The following OPTN variants were observed in gnomAD, a reference collection of about 807,000 sequenced individuals.
OPTN encodes E3-14.7K-interacting protein.
OPTN carries 54 observed loss-of-function variants against 70.4 expected under a neutral mutation model. The observed-to-expected ratio is 0.77, with a 90% CI of 0.62 to 0.96. The LOEUF is 0.96. OPTN is among the 40% of genes least tolerant of loss of function. The pLI is 0.00. For missense variants in OPTN, 624 were observed against 673.2 expected (o/e 0.93, Z 0.81); for synonymous variants, 256 against 248.5 (o/e 1.03, Z -0.28).
intron 6 of OPTN, chr10:13,116,629 A>G: frequency 2.1e-6 from 1 of 474,832 alleles, no homozygotes; most frequent in South Asian, 2.1e-5. Context: ...AATCAAGTCA[A>G]TGATTTGTTC....
At chr10:13,126,096 G>A (rs1833454249) in intron 11 of OPTN, 57 bp downstream of exon 11, 3 of 1,016,130 alleles carry the variant, frequency 3.0e-6, no homozygotes, top group East Asian at 2.4e-5. Flanking sequence ...ACTGTTGAAC[G>A]TTTTGTATAT....
chr10:13,106,331 A>C lies in OPTN; in HGVS notation c.-163-1807A>C, dbSNP rs574631788. Among the ~76,000 whole-genome samples, 5 of 152,360 alleles carry C rather than the reference A, an allele frequency of 3.3e-5. No homozygotes were observed. In the South Asian group the frequency reaches 6.2e-4, roughly 19 times the overall value. Reference sequence around the variant, plus strand: ...AAAATGAATTTTACAGAAAATTAGAAACTGATGGTCTATTCAGATTATTTT... The same window carrying C: ...AAAATGAATTTTACAGAAAATTAGACACTGATGGTCTATTCAGATTATTTT... On this transcript the variant is annotated intron_variant, in intron 1 of 14. Coordinates refer to ENST00000378747, the MANE Select transcript of OPTN (RefSeq NM_001008212.2).
In OPTN at chr10:13,133,575, C is replaced by G; in HGVS notation, c.1606C>G (p.Gln536Glu). Residue 536 changes from glutamine to glutamate, a missense_variant, in exon 14 of 15, where the codon CAA becomes GAA. Physicochemically the swap from Gln to Glu is conservative, Grantham distance 29 (BLOSUM62 2). Transcript: ENST00000378747. Reference sequence around the variant, plus strand: ...CTCTGACCAGCAGGCTTACCTTGTTCAAAGAGGTGAGTCCCGTGTGATCCT... The same window carrying G: ...CTCTGACCAGCAGGCTTACCTTGTTGAAAGAGGTGAGTCCCGTGTGATCCT... ...SDSDQQAYLV[Q>E]RGAEDRDWRQ... The G allele has an allele frequency of 1.9e-6, 3 of 1,613,824 alleles. No homozygotes were observed. The highest frequency in any genetic ancestry group is 2.5e-6 in the Non-Finnish European group (3 of 1,179,772).
Position 13,132,734 on chromosome 10 carries a change from A to G in OPTN, c.1532+537A>G, listed in dbSNP as rs1833620075. On this transcript the variant is annotated intron_variant, in intron 13 of 14. Transcript: ENST00000378747. ...CTATCTTGCCATCGTCACGGATGAA[A>G]TATTCGTAGCACTTTAAATTCCTGA... is the stretch of plus-strand genomic sequence containing the variant. Among the ~76,000 whole-genome samples the G allele has an allele frequency of 2.6e-5, 4 of 152,260 alleles. No individual in the cohort carries two copies. In the South Asian group the frequency reaches 8.3e-4, roughly 32 times the overall value.
intron 5 of OPTN, 134 bp from the exon 6 acceptor site, chr10:13,116,133 T>C: frequency 1.4e-6 from 1 of 713,906 alleles, no homozygotes; most frequent in East Asian, 2.6e-5. Flanking sequence ...GTTTAAACAG[T>C]GCACATCTGA....
At chr10:13,127,628 T>TGAGCCACCACACCCGGCCA in intron 11 of OPTN, 117 bp from the exon 12 acceptor site, 2 of 1,133,274 alleles carry the variant, frequency 1.8e-6, no homozygotes, top group South Asian at 2.7e-5. Context: ...ATTCTAGGCA[T>TGAGCCACCACACCCGGCCA]GAGCCACCAC....
rs1322947024 is a variant in OPTN, at chr10:13,125,482, G to C, written c.1063G>C (p.Val355Leu). 6.2e-7 allele frequency: 1 copy of C among 1,614,132 alleles called. No homozygotes were observed. The highest frequency in any genetic ancestry group is 1.1e-5 in the South Asian group (1 of 91,070). The change falls in exon 10 of 15, where the codon GTT (valine) becomes CTT (leucine). Residue 355 changes from valine to leucine, a missense_variant. Val to Leu is a conservative substitution (Grantham distance 32). Transcript: ENST00000378747. ...AGAGTTGAATGAAAAGCAAGAGCTT[G>C]TTTATACTAACAAAAAGTTAGAGCT... is the stretch of plus-strand genomic sequence containing the variant. Reference protein sequence around the residue: ...PSELNEKQELVYTNKKLELQV... With the variant: ...PSELNEKQELLYTNKKLELQV...
intron 6 of OPTN, among the ~76,000 whole-genome samples, chr10:13,118,174 G>A (rs1038984308): frequency 6.6e-6 from 1 of 152,206 alleles, no homozygotes; most frequent in Admixed American, 6.5e-5. Flanking sequence ...TGGAGTTGAA[G>A]CTTCAGAGTC....
chr10:13,116,575 T>C, intron 6 of OPTN: 1 of 566,144 alleles, frequency 1.8e-6, no homozygotes, highest in Non-Finnish European at 3.2e-6. Flanking sequence ...GTTCTAGTGG[T>C]GTCTCACCTC....
rs201948405 is a variant in OPTN, at chr10:13,112,713, C to G, written c.552+78C>G. The G allele has an allele frequency of 6.4e-5, 89 of 1,379,966 alleles. No homozygotes were observed. In the East Asian group the frequency reaches 2.0e-3, roughly 30 times the overall value. The allele number at this position is 1,379,966 out of a possible 1,614,324, so 85.5% of individuals were successfully genotyped here. On this transcript the variant is annotated intron_variant, in intron 5 of 14. Transcript: ENST00000378747. ...AAAGATGAAACAAATACCACTTTTT[C>G]TTGTCAACACAAGCCAAGGATTGAG...
rs1833408197 is a variant in OPTN at position 13,124,046 on chromosome 10, G to A, written c.934G>A (p.Glu312Lys). ...CCTCCAGGTGACATCTCTGTTTAAG[G>A]AGCTTCAAGAGGCTCATACAAAACT... The part of the protein sequence containing the change: ...LNLQVTSLFK[E>K]LQEAHTKLSE... Residue 312 changes from glutamate to lysine, a missense_variant, in exon 9 of 15, where the codon GAG becomes AAG. Physicochemically the swap from Glu to Lys is moderately conservative, Grantham distance 56 (BLOSUM62 1). Transcript: ENST00000378747. 6.2e-7 allele frequency: 1 copy of A among 1,613,990 alleles called. No homozygotes were observed. The highest frequency in any genetic ancestry group is 1.1e-5 in the South Asian group (1 of 91,054).
At chr10:13,125,816 GT>G (rs1443235359) in intron 10 of OPTN, 129 bp from the exon 11 acceptor site, 13 of 778,092 alleles carry the variant, frequency 1.7e-5, no homozygotes, top group Non-Finnish European at 2.3e-5. Flanking sequence ...AGAAATGCTA[GT>G]AGGTCGTGGG....
chr10:13,124,320 A>C (rs1221870878), intron 9 of OPTN, among the ~76,000 whole-genome samples: 1 of 152,186 alleles, frequency 6.6e-6, no homozygotes, highest in East Asian at 1.9e-4. Flanking sequence ...GGAGAACTTT[A>C]ATTCTGCCAT....
chr10:13,125,327 C>G, intron 9 of OPTN, 91 bp from the exon 10 acceptor site: 1 of 1,414,928 alleles, frequency 7.1e-7, no homozygotes, highest in Non-Finnish European at 9.9e-7. Context: ...CCCTAAAATT[C>G]TTATATTGTA....
At chr10:13,113,366 T>C (rs1833051328) in intron 5 of OPTN, among the ~76,000 whole-genome samples, 1 of 152,124 alleles carries the variant, frequency 6.6e-6, no homozygotes, top group Non-Finnish European at 1.5e-5. Flanking sequence ...TGAGGAACCC[T>C]GATACATTAA....
chr10:13,102,010 G>A (rs1331275843), intron 1 of OPTN, among the ~76,000 whole-genome samples: 1 of 152,210 alleles, frequency 6.6e-6, no homozygotes, highest in East Asian at 1.9e-4. Flanking sequence ...ACGGGCAGAC[G>A]ATAGCAGTAA....
intron 13 of OPTN, 129 bp from the exon 14 acceptor site, chr10:13,133,373 C>A (rs1833631909): frequency 6.6e-6 from 5 of 753,426 alleles, no homozygotes; most frequent in East Asian, 2.7e-5. Context: ...TAAAATTAGT[C>A]TGGTTTTTAT....
intron 12 of OPTN, 112 bp downstream of exon 12, chr10:13,128,015 C>T: frequency 7.8e-7 from 1 of 1,273,952 alleles, no homozygotes; most frequent in Non-Finnish European, 1.1e-6. Context: ...TATATTTTTT[C>T]ACCCGTGAGT....
chr10:13,118,920 A>T lies in OPTN; in HGVS notation c.659A>T (p.Asp220Val). Residue 220 changes from aspartate to valine, a missense_variant, in exon 7 of 15, where the codon GAT becomes GTT. By Grantham distance (152) the Asp-to-Val change is radical. Coordinates refer to ENST00000378747, the MANE Select transcript of OPTN (RefSeq NM_001008212.2). ...ALSKYRSRSA[D>V]GAKNYFEHEE... ...TCTAAATATAGGAGCAGATCTGCAG[A>T]TGGGGCCAAGAATTACTTCGAACAT... The T allele has an allele frequency of 6.2e-7, 1 of 1,614,158 alleles. No homozygotes were observed. Among genetic ancestry groups the T allele is most frequent in the Non-Finnish European group, 8.5e-7 (1 of 1,179,982 alleles).
Sources: gnomAD v4.1 joint callset for allele counts (sites outside exome capture counted in the v4.1 genomes callset) on GRCh38, gnomAD v4.1.1 for gene constraint, MANE v1.5 for transcripts, NCBI Gene and HGNC (gene_info 2026-07-23, HGNC 2026-07-21) for gene names.